Variants in LIMS2 observed in about 807,000 individuals in gnomAD.
LIMS2 encodes the protein LIM and senescent cell antigen-like-containing domain protein 2.
LIMS2 carries 30 observed loss-of-function variants against 45.3 expected under a neutral mutation model. The observed-to-expected ratio is 0.66, with a 90% CI of 0.50 to 0.90. The LOEUF (loss-of-function observed/expected upper bound fraction) is 0.90. Among genes scored for constraint, LIMS2 ranks in the 40% least tolerant of loss-of-function variants. The pLI is 0.00. For synonymous variants in LIMS2, 173 were observed against 188.0 expected (o/e 0.92, Z 0.65); for missense variants, 485 against 468.7 (o/e 1.03, Z -0.32).
upstream of LIMS2, among the ~76,000 whole-genome samples, chr2:127,676,407 CTTTTT>C (rs10677718): frequency 1.8e-4 from 21 of 115,862 alleles, no homozygotes; most frequent in African/African-American, 7.2e-4. Context: ...GCAGTTGTTA[CTTTTT>C]TTTTTTTTTT....
rs777621062 is a variant in LIMS2 at position 127,640,337 on chromosome 2, G to C, written c.754-19C>G. The C allele has an allele frequency of 6.2e-7, 1 of 1,611,654 alleles. No individual in the cohort carries two copies. Among genetic ancestry groups the C allele is most frequent in the South Asian group, 1.1e-5 (1 of 90,882 alleles). On this transcript the variant is annotated intron_variant, in intron 7 of 9. Coordinates refer to ENST00000355119, the MANE Select transcript of LIMS2 (RefSeq NM_001161403.3). Reference sequence around the variant, plus strand: ...CGAAGAGCTGTGGGCCGAGCAGGCTGTCAGAGTAGCTGCAGGCAGTCACAC... The same window carrying C: ...CGAAGAGCTGTGGGCCGAGCAGGCTCTCAGAGTAGCTGCAGGCAGTCACAC...
In LIMS2 at chr2:127,664,183, C is replaced by A. The variant is rs1057089175; in HGVS notation, c.12-6621G>T. On this transcript the variant is annotated intron_variant, in intron 1 of 9. Coordinates refer to ENST00000355119, the MANE Select transcript of LIMS2 (RefSeq NM_001161403.3). The surrounding 1 kb of genome is among the most constrained non-coding windows in gnomAD (Gnocchi z 5.5). ...CCCTGTCGCCAACCCAGGGCCCATC[C>A]GACGCCGGGGCAGAGCCCACGGCGT... The A allele has an allele frequency of 3.9e-6, 3 of 763,548 alleles. No individual in the cohort carries two copies. Among genetic ancestry groups the A allele is most frequent in the Non-Finnish European group, 5.2e-6 (3 of 579,728 alleles). The allele number at this position is 763,548 out of a possible 1,614,324, so 47.3% of individuals were successfully genotyped here.
chr2:127,639,149 A>AGAAG lies in LIMS2; in HGVS notation c.*128_*131dup, dbSNP rs1682129118. The AGAAG allele has an allele frequency of 1.1e-6, 1 of 929,404 alleles. No homozygotes were observed. Among genetic ancestry groups the AGAAG allele is most frequent in the African/African-American group, 1.7e-5 (1 of 60,386 alleles). The allele number at this position is 929,404 out of a possible 1,614,324, so 57.6% of individuals were successfully genotyped here. A position where few individuals can be genotyped will look rare whatever the true frequency, so the allele number is the denominator to read the frequency against. On this transcript the variant is annotated 3_prime_UTR_variant, in exon 10 of 10. Transcript: ENST00000355119. The stretch of plus-strand genomic sequence containing the variant: ...GGCAGAGATGAGGGAACAGGAAGGG[A>AGAAG]GAAGGCAATGAGGAAAGAGAAAGGG...
At chr2:127,668,235 A>G (rs1456105246) in intron 1 of LIMS2, among the ~76,000 whole-genome samples, 1 of 152,246 alleles carries the variant, frequency 6.6e-6, no homozygotes, top group East Asian at 1.9e-4. Flanking sequence ...TAAGATGGCA[A>G]TACAACACTA....
Position 127,675,145 on chromosome 2 carries a change from A to C in LIMS2, c.-121T>G. 2.1e-6 allele frequency: 2 copies of C among 954,340 alleles called. No homozygotes were observed. Among genetic ancestry groups the C allele is most frequent in the Non-Finnish European group, 2.7e-6 (2 of 748,760 alleles). The allele number at this position is 954,340 out of a possible 1,614,324, so 59.1% of individuals were successfully genotyped here. A position where few individuals can be genotyped will look rare whatever the true frequency, so the allele number is the denominator to read the frequency against. On this transcript the variant is annotated 5_prime_UTR_variant, in exon 1 of 10. Transcript: ENST00000355119. ...CCGCGGAGCAGGGAGACGCCCAAAA[A>C]AGGCCAAGAGCCGCTCCGCCCGCGA...
At position 127,642,074 on chromosome 2, in the gene LIMS2, G is replaced by A. The variant is rs138275119; in HGVS notation, c.635C>T (p.Ala212Val). Residue 212 changes from alanine (A) to valine (V), a missense_variant, in exon 6 of 10, where the codon GCG becomes GTG. Transcript: ENST00000355119. The surrounding 1 kb of genome is among the most constrained non-coding windows in gnomAD (Gnocchi z 5.3). ...CTCCACGTGCCACTGCTTGCCCAGCGCGTTGACCACTCGGCCCTCGATGGG... is the reference window on the plus strand; with the variant it reads ...CTCCACGTGCCACTGCTTGCCCAGCACGTTGACCACTCGGCCCTCGATGGG... ...RRPIEGRVVN[A>V]LGKQWHVEHF... The A allele has an allele frequency of 1.5e-4, 236 of 1,611,120 alleles. No homozygotes were observed. Among genetic ancestry groups the A allele is most frequent in the Non-Finnish European group, 1.8e-4 (211 of 1,179,006 alleles).
intron 4 of LIMS2, chr2:127,648,040 G>A (rs1331422239): frequency 1.1e-5 from 11 of 985,556 alleles, no homozygotes; most frequent in Non-Finnish European, 1.2e-5. Context: ...CACTCACCCC[G>A]CCTTCTTCGG....
chr2:127,673,760 T>C, intron 1 of LIMS2: 2 of 1,550,364 alleles, frequency 1.3e-6, no homozygotes. Flanking sequence ...AACAGGAGAG[T>C]GAGAACCAGC....
At chr2:127,639,635 A>G (rs1248408944) in intron 9 of LIMS2, among the ~76,000 whole-genome samples, 3 of 152,124 alleles carry the variant, frequency 2.0e-5, no homozygotes, top group African/African-American at 7.2e-5. Context: ...GGCTTCTCTC[A>G]GGTTCTGAAA....
chr2:127,676,065 G>C (rs1288160901), upstream of LIMS2, among the ~76,000 whole-genome samples: 1 of 152,150 alleles, frequency 6.6e-6, no homozygotes, highest in Non-Finnish European at 1.5e-5. Flanking sequence ...GAATCTCTTC[G>C]GAGGAAATTT....
At position 127,650,784 on chromosome 2, in the gene LIMS2, C is replaced by G. The variant is rs147409022; in HGVS notation, c.359+3640G>C. 30 of 1,613,736 alleles carry G rather than the reference C, an allele frequency of 1.9e-5. No homozygotes were observed. The highest frequency in any genetic ancestry group is 2.7e-5 in the African/African-American group (2 of 74,930). On this transcript the variant is annotated intron_variant, in intron 4 of 9. Transcript: ENST00000355119. ...CCCAGGTCTGATCACCAACTTCTCC[C>G]TGGCCACGGCAGAGCAATGTGGCCA...
intron 2 of LIMS2, chr2:127,655,563 G>A (rs1327845859): frequency 1.3e-5 from 2 of 155,636 alleles, no homozygotes; most frequent in East Asian, 1.9e-4. Flanking sequence ...GACTAAACTG[G>A]ATATAGCCCT....
At chr2:127,657,259 C>A (rs1050680551) in intron 2 of LIMS2, 144 bp downstream of exon 2, 2 of 883,824 alleles carry the variant, frequency 2.3e-6, no homozygotes, top group Non-Finnish European at 1.8e-6. Context: ...AGGATGGGCC[C>A]GTGCAGGAGC....
chr2:127,651,561 G>C, intron 4 of LIMS2: 20 of 1,612,646 alleles, frequency 1.2e-5, no homozygotes, highest in Non-Finnish European at 1.7e-5. Flanking sequence ...GCGCATCCTG[G>C]CCCTGGCAAA....
In LIMS2 at chr2:127,642,536, G is replaced by A. The variant is rs1427648663; in HGVS notation, c.510-337C>T. The A allele has an allele frequency of 1.7e-5, 6 of 350,780 alleles. No individual in the cohort carries two copies. The South Asian group carries it at 2.6e-4, about 15-fold the overall frequency. The allele number at this position is 350,780 out of a possible 1,614,324, so 21.7% of individuals were successfully genotyped here. A position where few individuals can be genotyped will look rare whatever the true frequency, so the allele number is the denominator to read the frequency against. Reference sequence around the variant, plus strand: ...ACTGGAGGGGACGGTGGGGGTGGGCGAGGACGGGGGCTGAGGGGCTGCCTA... The same window carrying A: ...ACTGGAGGGGACGGTGGGGGTGGGCAAGGACGGGGGCTGAGGGGCTGCCTA... On this transcript the variant is annotated intron_variant, in intron 5 of 9. Coordinates refer to ENST00000355119, the MANE Select transcript of LIMS2 (RefSeq NM_001161403.3). This position sits in a 1 kb window ranked among gnomAD's most constrained non-coding sequence, Gnocchi z 5.3.
At position 127,642,273 on chromosome 2, in the gene LIMS2, C is replaced by T. The variant is rs1682503553; in HGVS notation, c.510-74G>A. On this transcript the variant is annotated intron_variant, in intron 5 of 9. Transcript: ENST00000355119. This position sits in a 1 kb window ranked among gnomAD's most constrained non-coding sequence, Gnocchi z 5.3. ...GGTCATGCCAGCAGCGCCTCCACCC[C>T]AGGGCACGGCTCCCCGAGGGGCCCA... The T allele has an allele frequency of 1.4e-6, 2 of 1,411,050 alleles. No homozygotes were observed. The highest frequency in any genetic ancestry group is 5.2e-5 in the East Asian group (2 of 38,536). The allele number at this position is 1,411,050 out of a possible 1,614,324, so 87.4% of individuals were successfully genotyped here.
intron 4 of LIMS2, chr2:127,648,291 GGGAA>G: frequency 3.0e-6 from 2 of 674,352 alleles, no homozygotes; most frequent in African/African-American, 1.9e-5. Flanking sequence ...TTTCAGGTAG[GGGAA>G]CCTGCCTAGA....
chr2:127,650,270 G>C (rs947486034), intron 4 of LIMS2, among the ~76,000 whole-genome samples: 4 of 152,234 alleles, frequency 2.6e-5, no homozygotes, highest in Admixed American at 2.0e-4. Context: ...ACCTGCCAAG[G>C]CTTGGGCTGA....
chr2:127,639,484 A>G lies in LIMS2; in HGVS notation c.879-56T>C, dbSNP rs553101967. On this transcript the variant is annotated intron_variant, in intron 9 of 9. Transcript: ENST00000355119. ...CCCACGCCCACCCCTTTAACCCCAG[A>G]CAGGTGACTGTGGAGTGGGCTTCCC... 5.0e-4 allele frequency: 799 copies of G among 1,594,950 alleles called. 1 individual carries two copies. Among genetic ancestry groups the G allele is most frequent in the Non-Finnish European group, 6.0e-4 (706 of 1,169,382 alleles).
Sources: gnomAD v4.1 joint callset for allele counts (sites outside exome capture counted in the v4.1 genomes callset) on GRCh38, gnomAD v4.1.1 for gene constraint, Gnocchi (gnomAD v3.1) non-coding constraint, MANE v1.5 for transcripts, NCBI Gene and HGNC (gene_info 2026-07-23, HGNC 2026-07-21) for gene names.